Variants in PPFIA1 observed in about 807,000 individuals in gnomAD.
The protein encoded by PPFIA1 is PPFI scaffold protein A1.
PPFIA1 carries 25 observed loss-of-function variants against 149.9 expected under a neutral mutation model. That is an observed-to-expected ratio of 0.17 (90% confidence interval 0.12 to 0.23). PPFIA1 has a LOEUF of 0.23. Among genes scored for constraint, PPFIA1 ranks in the 10% least tolerant of loss-of-function variants. The pLI is 1.00. For synonymous variants in PPFIA1, 549 were observed against 552.8 expected (o/e 0.99, Z 0.10); for missense variants, 1,362 against 1,506.5 (o/e 0.90, Z 1.59).
chr11:70,359,779 C>G (rs1163499004), intron 19 of PPFIA1, among the ~76,000 whole-genome samples: 2 of 152,220 alleles, frequency 1.3e-5, no homozygotes, highest in Non-Finnish European at 2.9e-5. Flanking sequence ...TGCATTATAG[C>G]ATTCTCAGTA....
In PPFIA1 at chr11:70,315,400, G is replaced by A. The variant is rs764698942; in HGVS notation, c.265-9002G>A. Among the ~76,000 whole-genome samples, 8 of 152,184 alleles carry A rather than the reference G, an allele frequency of 5.3e-5. No individual in the cohort carries two copies. In the South Asian group the frequency reaches 8.3e-4, roughly 16 times the overall value. On this transcript the variant is annotated intron_variant, in intron 2 of 27. Coordinates refer to ENST00000253925, the MANE Select transcript of PPFIA1 (RefSeq NM_003626.5). ...CCCTGCCATCTATCTATGGACTGAC[G>A]GGCAGATAGATATAGATGTTTATTA... is the stretch of plus-strand genomic sequence containing the variant.
chr11:70,308,259 G>C (rs999664595), intron 2 of PPFIA1, among the ~76,000 whole-genome samples: 3 of 152,192 alleles, frequency 2.0e-5, no homozygotes, highest in Non-Finnish European at 2.9e-5. Context: ...TGTTGGTCAG[G>C]CTGGTCTCAA....
intron 2 of PPFIA1, among the ~76,000 whole-genome samples, chr11:70,274,940 A>AT (rs2050299005): frequency 6.6e-6 from 1 of 152,122 alleles, no homozygotes; most frequent in Admixed American, 6.6e-5. Context: ...GCCGGAGGAT[A>AT]TGTGTACACT....
chr11:70,361,167 G>T (rs899346999), intron 19 of PPFIA1, among the ~76,000 whole-genome samples: 1 of 152,168 alleles, frequency 6.6e-6, no homozygotes, highest in African/African-American at 2.4e-5. Flanking sequence ...GTGTGAAATG[G>T]ATGGTGTTGA....
intron 15 of PPFIA1, 103 bp downstream of exon 15, chr11:70,343,995 G>A: frequency 1.0e-6 from 1 of 1,004,682 alleles, no homozygotes; most frequent in South Asian, 1.5e-5. Flanking sequence ...CATTTTCTAA[G>A]TATTACATAA....
At chr11:70,315,621 A>T (rs1194885224) in intron 2 of PPFIA1, among the ~76,000 whole-genome samples, 1 of 147,002 alleles carries the variant, frequency 6.8e-6, no homozygotes, top group East Asian at 2.0e-4. Context: ...CATTTATTAG[A>T]CGTCTTTTTG....
Position 70,372,389 on chromosome 11 carries a change from A to G in PPFIA1, c.3040A>G (p.Arg1014Gly), listed in dbSNP as rs199839057. The G allele has an allele frequency of 2.7e-5, 43 of 1,614,130 alleles. No individual in the cohort carries two copies. The Admixed American group carries it at 2.7e-4, about 10-fold the overall frequency. The change falls in exon 22 of 28, where the codon AGA (arginine) becomes GGA (glycine). Residue 1014 changes from arginine to glycine, a missense_variant and splice_region_variant. This residue lies in a region of PPFIA1 where 349 missense variants were observed against 373.3 expected (regional missense o/e 0.93). Coordinates refer to ENST00000253925, the MANE Select transcript of PPFIA1 (RefSeq NM_003626.5). Reference sequence around the variant, plus strand: ...GCTGAAAATGGTCGACAGTTTTCACAGGTAACTTAATGGAGATAGTTCTTA... The same window carrying G: ...GCTGAAAATGGTCGACAGTTTTCACGGGTAACTTAATGGAGATAGTTCTTA... ...GQLKMVDSFH[R>G]NSFQCGIMCL...
intron 7 of PPFIA1, chr11:70,327,837 C>G (rs555954425): frequency 6.6e-6 from 1 of 152,272 alleles, no homozygotes; most frequent in East Asian, 1.9e-4. Context: ...TCTCAGGTGC[C>G]CTTCCTGTCA....
chr11:70,312,122 G>A (rs146719317), intron 2 of PPFIA1, among the ~76,000 whole-genome samples: 1 of 151,794 alleles, frequency 6.6e-6, no homozygotes, highest in African/African-American at 2.4e-5. Flanking sequence ...GGGATTACAA[G>A]CGTGAGCCAC....
chr11:70,305,919 A>G (rs1327853464), intron 2 of PPFIA1, among the ~76,000 whole-genome samples: 1 of 152,228 alleles, frequency 6.6e-6, no homozygotes, highest in Non-Finnish European at 1.5e-5. Flanking sequence ...GTAATAGGGT[A>G]TTTTAATCTA....
intron 2 of PPFIA1, among the ~76,000 whole-genome samples, chr11:70,298,692 C>T (rs1422420211): frequency 6.6e-6 from 1 of 152,092 alleles, no homozygotes; most frequent in Non-Finnish European, 1.5e-5. Context: ...TCCCTGGGCT[C>T]GGGGAAGAGC....
chr11:70,288,123 G>A (rs2051277018), intron 2 of PPFIA1, among the ~76,000 whole-genome samples: 1 of 149,584 alleles, frequency 6.7e-6, no homozygotes, highest in Admixed American at 6.7e-5. Context: ...CGCCCAGGCT[G>A]GAGTGCAGTG....
chr11:70,302,970 GATACCT>G (rs1202405221), intron 2 of PPFIA1, among the ~76,000 whole-genome samples: 1 of 152,030 alleles, frequency 6.6e-6, no homozygotes, highest in East Asian at 1.9e-4. Flanking sequence ...ATTCCTCTGA[GATACCT>G]GTTTATTAAA....
rs551453544 is a variant in PPFIA1 at position 70,372,102 on chromosome 11, ATTAGT to A, written c.2866-108_2866-104del. 3.3e-4 allele frequency: 301 copies of A among 903,944 alleles called. 1 individual carries two copies. The African/African-American group carries it at 3.6e-3, about 11-fold the overall frequency. The allele number at this position is 903,944 out of a possible 1,614,324, so 56.0% of individuals were successfully genotyped here. A position where few individuals can be genotyped will look rare whatever the true frequency, so the allele number is the denominator to read the frequency against. ...ATTATTTTGCAATTATAAAATTATC[ATTAGT>A]TTAGCCTTTGAGAATATAGGTAATA... is the stretch of plus-strand genomic sequence containing the variant. On this transcript the variant is annotated intron_variant, in intron 21 of 27. Transcript: ENST00000253925.
At chr11:70,286,500 C>CT in intron 2 of PPFIA1, among the ~76,000 whole-genome samples, 1 of 152,172 alleles carries the variant, frequency 6.6e-6, no homozygotes, top group Non-Finnish European at 1.5e-5. Flanking sequence ...ATCTGCCCTT[C>CT]TTGGCCTCCC....
At chr11:70,305,434 A>G (rs907645654) in intron 2 of PPFIA1, among the ~76,000 whole-genome samples, 6 of 152,054 alleles carry the variant, frequency 3.9e-5, no homozygotes, top group Non-Finnish European at 8.8e-5. Context: ...GTGCAATGGC[A>G]TGATCACGGC....
intron 11 of PPFIA1, among the ~76,000 whole-genome samples, chr11:70,336,877 C>T (rs2055011005): frequency 6.6e-6 from 1 of 152,192 alleles, no homozygotes; most frequent in African/African-American, 2.4e-5. Flanking sequence ...ACTAATGATT[C>T]CCGCTCATTG....
At chr11:70,279,371 C>T (rs1174560415) in intron 2 of PPFIA1, 1 of 187,746 alleles carries the variant, frequency 5.3e-6, no homozygotes, top group Non-Finnish European at 1.1e-5. Flanking sequence ...ATCTCACCAT[C>T]TACTCATTCC....
In PPFIA1 at chr11:70,355,663, C is replaced by T. The variant is rs531675653; in HGVS notation, c.2340C>T (p.Pro780=). ...GCTCCACAGGCTCCCAGGATGGTCCCGTGAGCAACCCCAGCAGTAGCAACA... is the reference window on the plus strand; with the variant it reads ...GCTCCACAGGCTCCCAGGATGGTCCTGTGAGCAACCCCAGCAGTAGCAACA... ...IRNSTGSQDG[P]VSNPSSSNSS... is the part of the protein sequence containing the mutation. Residue 780 remains proline (P), a synonymous_variant, in exon 18 of 28, where the codon CCC becomes CCT. Coordinates refer to ENST00000253925, the MANE Select transcript of PPFIA1 (RefSeq NM_003626.5). The T allele has an allele frequency of 2.2e-5, 35 of 1,611,640 alleles. No homozygotes were observed. The highest frequency in any genetic ancestry group is 2.8e-5 in the Non-Finnish European group (33 of 1,179,194).
Sources: allele counts gnomAD v4.1 joint callset (sites outside exome capture counted in the v4.1 genomes callset), GRCh38; gene constraint gnomAD v4.1.1; regional missense constraint gnomAD v4.1.1; transcripts MANE v1.5; gene names NCBI Gene and HGNC (gene_info 2026-07-23, HGNC 2026-07-21).